Variants in DLGAP1 observed in about 807,000 individuals in gnomAD.
DLGAP1 encodes the protein disks large-associated protein 1.
A neutral mutation model predicts 90.8 loss-of-function variants in DLGAP1; 11 were observed. The observed-to-expected ratio is 0.12, with a 90% CI of 0.08 to 0.20. DLGAP1 has a LOEUF of 0.20. Ranked by LOEUF, DLGAP1 falls within the 10% of genes least tolerant of loss-of-function variation. The pLI is 1.00. For missense variants in DLGAP1, 1,050 were observed against 1,333.8 expected (o/e 0.79, Z 3.31); for synonymous variants, 558 against 540.7 (o/e 1.03, Z -0.44).
chr18:4,367,103 T>G (rs1300668728), intron 1 of DLGAP1, among the ~76,000 whole-genome samples: 1 of 150,404 alleles, frequency 6.6e-6, no homozygotes, highest in Non-Finnish European at 1.5e-5. Context: ...ACACTGGCAT[T>G]TTCTTTGCTG....
At chr18:3,935,533 A>C (rs1257221937) in intron 3 of DLGAP1, among the ~76,000 whole-genome samples, 1 of 152,200 alleles carries the variant, frequency 6.6e-6, no homozygotes, top group Non-Finnish European at 1.5e-5. Flanking sequence ...ACTACGTCTC[A>C]GGATGGGCTG....
At chr18:3,737,511 A>G (rs2062700534) in intron 6 of DLGAP1, among the ~76,000 whole-genome samples, 1 of 150,056 alleles carries the variant, frequency 6.7e-6, no homozygotes, top group Non-Finnish European at 1.5e-5. Context: ...AAACAGAGCC[A>G]AAGACAAAAA....
Position 4,217,774 on chromosome 18 carries a change from A to G in DLGAP1, c.-266-66487T>C, listed in dbSNP as rs143820778. Among the ~76,000 whole-genome samples, 921 of 152,198 alleles carry G rather than the reference A, an allele frequency of 6.1e-3. 12 individuals are homozygous for G. The highest frequency in any genetic ancestry group is 0.021 in the African/African-American group (892 of 41,540). ...TGGATACAAATGCTTTACCAAACAC[A>G]TATTCTGCAAATATTTTCTCCCTGT... On this transcript the variant is annotated intron_variant, in intron 1 of 12. Transcript: ENST00000315677.
At chr18:3,688,460 G>T (rs1350197668) in intron 7 of DLGAP1, among the ~76,000 whole-genome samples, 3 of 151,930 alleles carry the variant, frequency 2.0e-5, no homozygotes, top group Admixed American at 2.0e-4. Context: ...TCAGTGAAAT[G>T]CTGAAAAATT....
At chr18:3,752,287 C>G (rs984515303) in intron 5 of DLGAP1, among the ~76,000 whole-genome samples, 3 of 152,072 alleles carry the variant, frequency 2.0e-5, no homozygotes, top group Non-Finnish European at 4.4e-5. Context: ...ATTATGTAAT[C>G]ATAATTACTA....
chr18:3,593,579 T>C (rs76448284), intron 7 of DLGAP1, among the ~76,000 whole-genome samples: 1 of 151,862 alleles, frequency 6.6e-6, no homozygotes, highest in Admixed American at 6.6e-5. Flanking sequence ...AATATGCTTG[T>C]GTGTGTGTGT....
At chr18:3,767,065 T>C (rs1019295595) in intron 5 of DLGAP1, among the ~76,000 whole-genome samples, 3 of 152,088 alleles carry the variant, frequency 2.0e-5, no homozygotes, top group South Asian at 2.1e-4. Flanking sequence ...TAATGACCAA[T>C]ATCTGGAATG....
chr18:4,172,613 T>C (rs1298148507), intron 1 of DLGAP1, among the ~76,000 whole-genome samples: 1 of 152,096 alleles, frequency 6.6e-6, no homozygotes, highest in African/African-American at 2.4e-5. Flanking sequence ...TGATTCAACA[T>C]AGAAAAATGT....
At chr18:3,915,467 G>A (rs946396947) in intron 3 of DLGAP1, among the ~76,000 whole-genome samples, 1 of 152,094 alleles carries the variant, frequency 6.6e-6, no homozygotes, top group African/African-American at 2.4e-5. Context: ...GACTTAGCAA[G>A]GTAATTGAGG....
intron 1 of DLGAP1, among the ~76,000 whole-genome samples, chr18:4,345,911 G>A (rs2081294691): frequency 6.6e-6 from 1 of 152,200 alleles, no homozygotes. Flanking sequence ...TGAGACAAGT[G>A]AAGTCTGCTT....
chr18:4,218,902 T>G (rs2078017311), intron 1 of DLGAP1, among the ~76,000 whole-genome samples: 1 of 151,898 alleles, frequency 6.6e-6, no homozygotes, highest in Non-Finnish European at 1.5e-5. Context: ...TTGATTCACA[T>G]CCTAGCTATT....
chr18:4,397,469 T>C (rs1028052800), intron 1 of DLGAP1, among the ~76,000 whole-genome samples: 4 of 152,230 alleles, frequency 2.6e-5, no homozygotes, highest in African/African-American at 2.4e-5. Flanking sequence ...TTGGATCCTA[T>C]GTTCATCTTC....
intron 1 of DLGAP1, among the ~76,000 whole-genome samples, chr18:4,345,657 C>G (rs1309383005): frequency 6.6e-6 from 1 of 152,206 alleles, no homozygotes; most frequent in African/African-American, 2.4e-5. Flanking sequence ...TTAGCTCCTT[C>G]TACTTCACAT....
At chr18:3,927,907 T>C (rs114760903) in intron 3 of DLGAP1, among the ~76,000 whole-genome samples, 1 of 152,328 alleles carries the variant, frequency 6.6e-6, no homozygotes, top group African/African-American at 2.4e-5. Flanking sequence ...TGTACATCAA[T>C]AGTTCCTCCC....
intron 2 of DLGAP1, among the ~76,000 whole-genome samples, chr18:4,101,442 C>A (rs2075776601): frequency 6.6e-6 from 1 of 152,082 alleles, no homozygotes; most frequent in Non-Finnish European, 1.5e-5. Context: ...AAGATCACTA[C>A]AATAGATAAC....
At chr18:3,562,790 C>T (rs1442478354) in intron 9 of DLGAP1, among the ~76,000 whole-genome samples, 1 of 151,548 alleles carries the variant, frequency 6.6e-6, no homozygotes, top group African/African-American at 2.4e-5. Flanking sequence ...TGTGCCTGGC[C>T]AGATATAACT....
At chr18:3,930,567 A>G (rs1427797048) in intron 3 of DLGAP1, among the ~76,000 whole-genome samples, 3 of 152,138 alleles carry the variant, frequency 2.0e-5, no homozygotes, top group African/African-American at 4.8e-5. Flanking sequence ...CTGAAGGTAC[A>G]TGTACTCAGT....
At chr18:4,191,714 A>T (rs1490691287) in intron 1 of DLGAP1, among the ~76,000 whole-genome samples, 17 of 152,146 alleles carry the variant, frequency 1.1e-4, no homozygotes, top group Non-Finnish European at 1.8e-4. Context: ...TTCAGCTTCA[A>T]TGTAACTCCT....
In DLGAP1 at chr18:4,235,818, C is replaced by T. The variant is rs190135290; in HGVS notation, c.-266-84531G>A. ...TTGGCTCACTGCAACCTCCGCCTCC[C>T]GGGTTCAAGCAATTCTCCTGCCTCA... On this transcript the variant is annotated intron_variant, in intron 1 of 12. Transcript: ENST00000315677. Among the ~76,000 whole-genome samples the T allele has an allele frequency of 2.7e-4, 41 of 150,312 alleles. No individual in the cohort carries two copies. The East Asian group carries it at 5.9e-3, about 22-fold the overall frequency.
Sources: allele counts gnomAD v4.1 joint callset (sites outside exome capture counted in the v4.1 genomes callset), GRCh38; gene constraint gnomAD v4.1.1; transcripts MANE v1.5; gene names NCBI Gene and HGNC (gene_info 2026-07-23, HGNC 2026-07-21).